KCTD21: variants seen among roughly 807,000 people sequenced by gnomAD.
KCTD21 encodes the protein potassium channel tetramerization domain containing 21.
KCTD21 carries 9 observed loss-of-function variants against 13.2 expected under a neutral mutation model. The observed-to-expected ratio is 0.68, with a 90% CI of 0.41 to 1.19. The LOEUF (loss-of-function observed/expected upper bound fraction) is 1.19. KCTD21 is among the 50% of genes most tolerant of loss of function. KCTD21 has a pLI of 0.01. For synonymous variants in KCTD21, 142 were observed against 137.4 expected, an observed-to-expected ratio of 1.03 and a Z score of -0.23; for missense variants, 303 against 336.5, an observed-to-expected ratio of 0.90 and a Z score of 0.78.
At position 78,174,172 on chromosome 11, in the gene KCTD21, C is replaced by A; in HGVS notation, c.383G>T (p.Arg128Leu). The change falls in exon 2 of 2, where the codon CGC becomes CTC. Residue 128 changes from arginine to leucine, a missense_variant. Physicochemically the swap from Arg to Leu is moderately radical, Grantham distance 102. Coordinates refer to ENST00000340067, the MANE Select transcript of KCTD21 (RefSeq NM_001029859.3). Reference sequence around the variant, plus strand: ...GAGGCTGTAGATCTGGGGTGCCTCGCGCACAGTGAAGTGGACCGTCTGCAC... The same window carrying A: ...GAGGCTGTAGATCTGGGGTGCCTCGAGCACAGTGAAGTGGACCGTCTGCAC... ...QRVQTVHFTV[R>L]EAPQIYSLSS... 1 of 1,614,058 alleles carries A rather than the reference C, an allele frequency of 6.2e-7. No individual in the cohort carries two copies. Among genetic ancestry groups the A allele is most frequent in the Non-Finnish European group, 8.5e-7 (1 of 1,180,024 alleles).
chr11:78,184,386 G>T (rs1862712447), intron 1 of KCTD21, among the ~76,000 whole-genome samples: 1 of 152,084 alleles, frequency 6.6e-6, no homozygotes, highest in Admixed American at 6.6e-5. Flanking sequence ...GCCCAGGCTG[G>T]AGTGCAGTGG....
chr11:78,180,386 T>C (rs1862579417), intron 1 of KCTD21, among the ~76,000 whole-genome samples: 1 of 152,170 alleles, frequency 6.6e-6, no homozygotes, highest in Non-Finnish European at 1.5e-5. Flanking sequence ...TAAAGCTGGG[T>C]GCAGTGGCAC....
intron 1 of KCTD21, among the ~76,000 whole-genome samples, chr11:78,185,868 A>G (rs1264861324): frequency 6.6e-6 from 1 of 152,008 alleles, no homozygotes; most frequent in Non-Finnish European, 1.5e-5. Context: ...CTGGGATTAC[A>G]GGCGTGAGCC....
At chr11:78,187,810 C>T (rs1862836195) in intron 1 of KCTD21, 1 of 985,280 alleles carries the variant, frequency 1.0e-6, no homozygotes, top group Admixed American at 6.1e-5. Context: ...TTCTTTCCTG[C>T]CTCCCACGCC....
At chr11:78,185,133 G>C (rs994220106) in intron 1 of KCTD21, among the ~76,000 whole-genome samples, 1 of 152,130 alleles carries the variant, frequency 6.6e-6, no homozygotes, top group African/African-American at 2.4e-5. Context: ...CTTATTAGGG[G>C]ATACATGTTG....
chr11:78,178,933 G>A lies in KCTD21; in HGVS notation c.-29-4350C>T, dbSNP rs145760482. Among the ~76,000 whole-genome samples the A allele has an allele frequency of 7.5e-3, 1,147 of 152,276 alleles. 16 individuals carry two copies. The highest frequency in any genetic ancestry group is 0.026 in the African/African-American group (1,061 of 41,564). ...CCACCATGTCTCAGGTGGAAAGGGA[G>A]GGGGGCCTTGGATTGGGACCATCCC... On this transcript the variant is annotated intron_variant, in intron 1 of 1. Coordinates refer to ENST00000340067, the MANE Select transcript of KCTD21 (RefSeq NM_001029859.3).
At position 78,171,863 on chromosome 11, in the gene KCTD21, C is replaced by T. The variant is rs1862290503; in HGVS notation, c.*1909G>A. The T allele has an allele frequency of 6.6e-6, 1 of 152,296 alleles. No individual in the cohort carries two copies. Among genetic ancestry groups the T allele is most frequent in the Non-Finnish European group, 1.5e-5 (1 of 68,104 alleles). 9.4% of individuals were successfully genotyped at this position (152,296 alleles called of 1,614,324 possible). A position where few individuals can be genotyped will look rare whatever the true frequency, so the allele number is the denominator to read the frequency against. On this transcript the variant is annotated 3_prime_UTR_variant, in exon 2 of 2. Coordinates refer to ENST00000340067, the MANE Select transcript of KCTD21 (RefSeq NM_001029859.3). ...TCAAGTGATCTTCCCGCCTCGGCCT[C>T]CCAGAGTGTTGGGATTACAGGCATG...
Position 78,187,381 on chromosome 11 carries a change from G to T in KCTD21, c.-30+1192C>A. The T allele has an allele frequency of 3.0e-6, 3 of 985,400 alleles. No homozygotes were observed. The South Asian group carries it at 1.4e-4, about 46-fold the overall frequency. 61.0% of individuals were successfully genotyped at this position (985,400 alleles called of 1,614,324 possible). A position where few individuals can be genotyped will look rare whatever the true frequency, so the allele number is the denominator to read the frequency against. ...TATTACCATCACAACCCATAGGGAG[G>T]AGAGAAAAGGTGCTTCCTAGACACA... On this transcript the variant is annotated intron_variant, in intron 1 of 1. Transcript: ENST00000340067.
intron 1 of KCTD21, among the ~76,000 whole-genome samples, chr11:78,185,889 G>A (rs1241811290): frequency 6.6e-6 from 1 of 151,836 alleles, no homozygotes; most frequent in Non-Finnish European, 1.5e-5. Context: ...ACCGCGCCCG[G>A]CCAGGTCTGC....
rs746384875 is a variant in KCTD21 at position 78,173,459 on chromosome 11, G to C, written c.*313C>G. The C allele has an allele frequency of 1.1e-5, 3 of 279,096 alleles. No homozygotes were observed. The highest frequency in any genetic ancestry group is 2.0e-5 in the Non-Finnish European group (3 of 147,336). 17.3% of individuals were successfully genotyped at this position (279,096 alleles called of 1,614,324 possible). ...TAGCGGTACAGAGAGATGGAGCCCA[G>C]GAGAAAACTGCTGCTCTTTTGTCCT... On this transcript the variant is annotated 3_prime_UTR_variant, in exon 2 of 2. Transcript: ENST00000340067.
chr11:78,173,925 C>G lies in KCTD21; in HGVS notation c.630G>C (p.Val210=), dbSNP rs1862361873. Residue 210 remains valine, a synonymous_variant, in exon 2 of 2, where the codon GTG becomes GTC. Transcript: ENST00000340067. ...YTKQNLKRLW[V]VPANKQINSF... Reference sequence around the variant, plus strand: ...TGTTGATCTGCTTGTTGGCGGGCACCACCCAGAGCCTCTTGAGGTTCTGCT... The same window carrying G: ...TGTTGATCTGCTTGTTGGCGGGCACGACCCAGAGCCTCTTGAGGTTCTGCT... 1 of 1,614,194 alleles carries G rather than the reference C, an allele frequency of 6.2e-7. No homozygotes were observed. The highest frequency in any genetic ancestry group is 8.5e-7 in the Non-Finnish European group (1 of 1,180,042).
intron 1 of KCTD21, chr11:78,187,701 C>T: frequency 1.0e-6 from 1 of 985,432 alleles, no homozygotes; most frequent in South Asian, 4.7e-5. Context: ...ATTTCATCCT[C>T]ACAGTACTAT....
At chr11:78,186,371 CAAAAAAAAA>C (rs57748403) in intron 1 of KCTD21, among the ~76,000 whole-genome samples, 12 of 45,816 alleles carry the variant, frequency 2.6e-4, no homozygotes, top group African/African-American at 6.0e-4. Context: ...GACCCTGTCT[CAAAAAAAAA>C]AAAAAAAAAA....
At chr11:78,187,198 C>T in intron 1 of KCTD21, 1 of 985,356 alleles carries the variant, frequency 1.0e-6, no homozygotes, top group Non-Finnish European at 1.2e-6. Flanking sequence ...TGGGAGACTT[C>T]CCCACCTTAC....
intron 1 of KCTD21, among the ~76,000 whole-genome samples, chr11:78,182,418 C>G (rs1265076453): frequency 2.0e-5 from 3 of 151,312 alleles, no homozygotes; most frequent in African/African-American, 7.3e-5. Context: ...TGACTGATAA[C>G]CTGAAAGAGT....
chr11:78,175,743 TTTATTA>T (rs1191255249), intron 1 of KCTD21, among the ~76,000 whole-genome samples: 2 of 152,132 alleles, frequency 1.3e-5, no homozygotes. Context: ...TTTTTTAAAT[TTTATTA>T]TTATTAAAGT....
chr11:78,182,693 A>G (rs535947323), intron 1 of KCTD21, among the ~76,000 whole-genome samples: 1 of 152,258 alleles, frequency 6.6e-6, no homozygotes, highest in Non-Finnish European at 1.5e-5. Flanking sequence ...CCAGGGCTTC[A>G]TGTGGATTCT....
chr11:78,187,888 G>A, intron 1 of KCTD21: 3 of 985,426 alleles, frequency 3.0e-6, no homozygotes, highest in Non-Finnish European at 2.4e-6. Flanking sequence ...AGTCCTGAGT[G>A]GTTTTAGGCA....
chr11:78,188,361 G>A, intron 1 of KCTD21: 2 of 984,732 alleles, frequency 2.0e-6, no homozygotes, highest in Non-Finnish European at 2.4e-6. Context: ...TCTCCCAACA[G>A]CCCCGCCCCT....
Sources: allele counts gnomAD v4.1 joint callset (sites outside exome capture counted in the v4.1 genomes callset), GRCh38; gene constraint gnomAD v4.1.1; transcripts MANE v1.5; gene names NCBI Gene and HGNC (gene_info 2026-07-23, HGNC 2026-07-21).